HSDL1: variants seen among roughly 807,000 people sequenced by gnomAD.
HSDL1 encodes the protein inactive hydroxysteroid dehydrogenase-like protein 1.
A neutral mutation model predicts 31.5 loss-of-function variants in HSDL1; 29 were observed. That is an observed-to-expected ratio of 0.92 (90% confidence interval 0.69 to 1.26). The LOEUF is 1.26. Among genes scored for constraint, HSDL1 ranks in the 50% most tolerant of loss-of-function variants. HSDL1 has a pLI of 0.00. For missense variants in HSDL1, 503 were observed against 416.6 expected, an observed-to-expected ratio of 1.21 and a Z score of -1.81; for synonymous variants, 222 against 155.2, an observed-to-expected ratio of 1.43 and a Z score of -3.20.
At chr16:84,129,170 C>T (rs1028099461) in intron 5 of HSDL1, among the ~76,000 whole-genome samples, 3 of 151,860 alleles carry the variant, frequency 2.0e-5, no homozygotes, top group Non-Finnish European at 2.9e-5. Flanking sequence ...ATCATGAGGC[C>T]GGAGATCAAG....
rs1345307516 is a variant in HSDL1 at position 84,145,155 on chromosome 16, C to T, written c.-144G>A. ...GCCGCCCCCGTCTCGGCCGCCGGAG[C>T]TGCTGCCGCGCCGCGCCCTCACGTG... On this transcript the variant is annotated 5_prime_UTR_variant, in exon 1 of 6. Coordinates refer to ENST00000219439, the MANE Select transcript of HSDL1 (RefSeq NM_031463.5). 1.8e-5 allele frequency: 4 copies of T among 225,846 alleles called. No homozygotes were observed. Among genetic ancestry groups the T allele is most frequent in the Middle Eastern group, 1.4e-3 (1 of 700 alleles). 14.0% of individuals were successfully genotyped at this position (225,846 alleles called of 1,614,324 possible). A position where few individuals can be genotyped will look rare whatever the true frequency, so the allele number is the denominator to read the frequency against.
intron 5 of HSDL1, among the ~76,000 whole-genome samples, chr16:84,128,171 C>A (rs2086627806): frequency 1.3e-5 from 2 of 151,740 alleles, no homozygotes; most frequent in African/African-American, 4.8e-5. Flanking sequence ...CACCTGTAGT[C>A]CCAGCTACTC....
rs1319380260 is a variant in HSDL1, at chr16:84,122,755, GAGA to G, written c.*1872_*1874del. On this transcript the variant is annotated 3_prime_UTR_variant, in exon 6 of 6. Coordinates refer to ENST00000219439, the MANE Select transcript of HSDL1 (RefSeq NM_031463.5). Reference sequence around the variant, plus strand: ...CATTTAATGAAAGCTAGAAAACCTAGAGAAGGTCTTGCTCTTCATCTTTCACTG... The same window carrying G: ...CATTTAATGAAAGCTAGAAAACCTAGAGGTCTTGCTCTTCATCTTTCACTG... 2.0e-5 allele frequency: 3 copies of G among 152,180 alleles called. No individual in the cohort carries two copies. The highest frequency in any genetic ancestry group is 4.4e-5 in the Non-Finnish European group (3 of 68,038). 9.4% of individuals were successfully genotyped at this position (152,180 alleles called of 1,614,324 possible). A position where few individuals can be genotyped will look rare whatever the true frequency, so the allele number is the denominator to read the frequency against.
chr16:84,141,490 G>A (rs973461151), intron 1 of HSDL1, among the ~76,000 whole-genome samples: 1 of 152,238 alleles, frequency 6.6e-6, no homozygotes, highest in Admixed American at 6.5e-5. Flanking sequence ...TGCAGGGAGC[G>A]CTTGTCCCCA....
At chr16:84,129,343 G>A (rs1194924701) in intron 5 of HSDL1, among the ~76,000 whole-genome samples, 1 of 151,806 alleles carries the variant, frequency 6.6e-6, no homozygotes, top group East Asian at 1.9e-4. Flanking sequence ...TCGCACCACT[G>A]CACTCCAGCC....
At position 84,131,214 on chromosome 16, in the gene HSDL1, T is replaced by C. The variant is rs779307226; in HGVS notation, c.108A>G (p.Lys36=). 3 of 1,614,142 alleles carry C rather than the reference T, an allele frequency of 1.9e-6. No homozygotes were observed. The highest frequency in any genetic ancestry group is 2.5e-6 in the Non-Finnish European group (3 of 1,180,014). ...ALVGAWYTAR[K]SITVICDFYS... is the part of the protein sequence containing the mutation. ...AAAAGTCACAGATGACAGTGATGCT[T>C]TTTCTGGCCGTATACCAGGCTCCAA... Residue 36 remains lysine, a synonymous_variant, in exon 3 of 6, where the codon AAA becomes AAG. Coordinates refer to ENST00000219439, the MANE Select transcript of HSDL1 (RefSeq NM_031463.5).
chr16:84,123,709 G>A lies in HSDL1; in HGVS notation c.*921C>T, dbSNP rs913540747. 2.0e-5 allele frequency: 3 copies of A among 152,578 alleles called. No homozygotes were observed. The highest frequency in any genetic ancestry group is 2.9e-5 in the Non-Finnish European group (2 of 68,034). 9.5% of individuals were successfully genotyped at this position (152,578 alleles called of 1,614,324 possible). On this transcript the variant is annotated 3_prime_UTR_variant, in exon 6 of 6. Coordinates refer to ENST00000219439, the MANE Select transcript of HSDL1 (RefSeq NM_031463.5). ...TACATAGAAAAACGTAGGAAAACCA[G>A]ATATAACAAGCTCTAAAGGGCTAAA...
intron 1 of HSDL1, among the ~76,000 whole-genome samples, chr16:84,137,201 G>C (rs1173581149): frequency 1.3e-5 from 2 of 152,220 alleles, no homozygotes; most frequent in Non-Finnish European, 2.9e-5. Context: ...GGGGTGAAAT[G>C]GGTCTTGAAG....
chr16:84,131,220 G>A lies in HSDL1; in HGVS notation c.102C>T (p.Ala34=). 1 of 1,614,042 alleles carries A rather than the reference G, an allele frequency of 6.2e-7. No homozygotes were observed. The highest frequency in any genetic ancestry group is 1.3e-5 in the African/African-American group (1 of 75,020). ...ALALVGAWYT[A]RKSITVICDF... is the part of the protein sequence containing the mutation. ...CACAGATGACAGTGATGCTTTTTCT[G>A]GCCGTATACCAGGCTCCAACCAAAG... is the stretch of plus-strand genomic sequence containing the variant. The change falls in exon 3 of 6, where the codon GCC becomes GCT. Residue 34 remains alanine (A), a synonymous_variant. Transcript: ENST00000219439.
At chr16:84,137,363 C>T (rs994956205) in intron 1 of HSDL1, among the ~76,000 whole-genome samples, 5 of 152,222 alleles carry the variant, frequency 3.3e-5, no homozygotes, top group Non-Finnish European at 5.9e-5. Flanking sequence ...TCCTGTGTGA[C>T]GCCCCATGTG....
intron 1 of HSDL1, among the ~76,000 whole-genome samples, chr16:84,136,330 C>T (rs1048182253): frequency 3.3e-5 from 5 of 152,260 alleles, no homozygotes; most frequent in African/African-American, 4.8e-5. Flanking sequence ...CTCCACCACA[C>T]ACACTGCATT....
rs1029771355 is a variant in HSDL1 at position 84,134,116 on chromosome 16, C to T, written c.-7+1428G>A. 2.8e-5 allele frequency among the ~76,000 whole-genome samples: 3 copies of T among 107,850 alleles called. No homozygotes were observed. In the East Asian group the frequency reaches 7.7e-4, roughly 28 times the overall value. 70.8% of individuals were successfully genotyped at this position (107,850 alleles called of 152,430 possible). ...TTTGAAATATATTCAAAGTTAGGGC[C>T]CCCCCTTCAGTGTAGCGAACGAGCA... is the stretch of plus-strand genomic sequence containing the variant. On this transcript the variant is annotated intron_variant, in intron 2 of 5. Transcript: ENST00000219439.
intron 5 of HSDL1, among the ~76,000 whole-genome samples, chr16:84,126,733 C>T (rs190516416): frequency 7.4e-6 from 1 of 134,720 alleles, no homozygotes; most frequent in Non-Finnish European, 1.7e-5. Flanking sequence ...GACACACCCA[C>T]ACCCACACAC....
chr16:84,141,077 C>T (rs1173259486), intron 1 of HSDL1, among the ~76,000 whole-genome samples: 3 of 137,784 alleles, frequency 2.2e-5, no homozygotes, highest in Non-Finnish European at 4.4e-5. Context: ...GGCGACAGAA[C>T]GAGACTCCGT....
In HSDL1 at chr16:84,140,861, T is replaced by G. The variant is rs1040277407; in HGVS notation, c.-69+4219A>C. ...GCTCACGCCTGTAATCCCAGCACTT[T>G]GGGAGGCCGAGGCGGGCGGATCACG... On this transcript the variant is annotated intron_variant, in intron 1 of 5. Coordinates refer to ENST00000219439, the MANE Select transcript of HSDL1 (RefSeq NM_031463.5). Among the ~76,000 whole-genome samples the G allele has an allele frequency of 2.6e-5, 4 of 151,844 alleles. No individual in the cohort carries two copies. In the East Asian group the frequency reaches 5.9e-4, roughly 22 times the overall value.
intron 1 of HSDL1, among the ~76,000 whole-genome samples, chr16:84,138,649 T>G (rs932617149): frequency 6.6e-6 from 1 of 152,188 alleles, no homozygotes; most frequent in Non-Finnish European, 1.5e-5. Context: ...TTAAAAAAAT[T>G]TTTAAGCTTT....
intron 2 of HSDL1, among the ~76,000 whole-genome samples, chr16:84,135,050 G>C (rs946831466): frequency 6.6e-6 from 1 of 152,060 alleles, no homozygotes; most frequent in African/African-American, 2.4e-5. Context: ...TGGCCAACAG[G>C]GTGAAACCCT....
chr16:84,124,911 CAACA>C (rs2086588917), intron 5 of HSDL1, 183 bp from the exon 6 acceptor site: 4 of 448,498 alleles, frequency 8.9e-6, no homozygotes, highest in Non-Finnish European at 1.6e-5. Context: ...CCACCAATCA[CAACA>C]AATACCCACC....
chr16:84,141,646 A>G (rs1001502063), intron 1 of HSDL1, among the ~76,000 whole-genome samples: 5 of 152,172 alleles, frequency 3.3e-5, no homozygotes, highest in African/African-American at 1.2e-4. Context: ...CCACTCCTCA[A>G]TGTCACTGGC....
Sources: gnomAD v4.1 joint callset for allele counts (sites outside exome capture counted in the v4.1 genomes callset) on GRCh38, gnomAD v4.1.1 for gene constraint, MANE v1.5 for transcripts, NCBI Gene and HGNC (gene_info 2026-07-23, HGNC 2026-07-21) for gene names.